The following ACTR3C variants were observed in gnomAD, a reference collection of about 807,000 sequenced individuals.
ACTR3C encodes actin related protein 3C, also known as actin-related protein 3C.
ACTR3C carries 18 observed loss-of-function variants against 26.3 expected under a neutral mutation model. That is an observed-to-expected ratio of 0.68 (90% CI 0.47 to 1.01). The LOEUF (loss-of-function observed/expected upper bound fraction) is 1.01. Ranked by LOEUF, ACTR3C falls within the 50% of genes least tolerant of loss-of-function variation. ACTR3C has a pLI of 0.00. For missense variants in ACTR3C, 184 were observed against 250.7 expected, an observed-to-expected ratio of 0.73 and a Z score of 1.80; for synonymous variants, 55 against 94.5, an observed-to-expected ratio of 0.58 and a Z score of 2.42.
chr7:150,176,792 G>A, the ACTR3C span, among the ~76,000 whole-genome samples: 30 of 150,374 alleles, frequency 2.0e-4, 5 homozygotes, highest in African/African-American at 7.3e-4. Context: ...GGAAACTCGG[G>A]GATCTTATTG....
At chr7:150,065,555 T>C in the ACTR3C span, among the ~76,000 whole-genome samples, 167 of 152,304 alleles carry the variant, frequency 1.1e-3, 6 homozygotes, top group South Asian at 0.033. Flanking sequence ...GTTAAAGGCT[T>C]TACCCTCAGA....
the ACTR3C span, among the ~76,000 whole-genome samples, chr7:150,213,852 G>A: frequency 2.1e-5 from 3 of 144,324 alleles, no homozygotes; most frequent in African/African-American, 5.2e-5. Flanking sequence ...TGAAAGAAGA[G>A]TAGAGAAAGA....
the ACTR3C span, among the ~76,000 whole-genome samples, chr7:150,087,664 G>A: frequency 6.6e-6 from 1 of 152,168 alleles, no homozygotes; most frequent in South Asian, 2.1e-4. Context: ...CAGGGTTGAT[G>A]ACCAGATGTC....
chr7:150,097,615 T>C, the ACTR3C span, among the ~76,000 whole-genome samples: 1 of 151,596 alleles, frequency 6.6e-6, no homozygotes, highest in Non-Finnish European at 1.5e-5. Context: ...TGAAAACCTG[T>C]TTAAGAAATC....
chr7:150,111,853 C>T, the ACTR3C span, among the ~76,000 whole-genome samples: 7 of 150,154 alleles, frequency 4.7e-5, no homozygotes, highest in Non-Finnish European at 1.5e-5. Context: ...GGAGAAATCC[C>T]CGTGTAATGA....
the ACTR3C span, among the ~76,000 whole-genome samples, chr7:149,976,528 C>T: frequency 2.0e-5 from 3 of 148,220 alleles, no homozygotes; most frequent in African/African-American, 2.5e-5. Context: ...GAGCTGAGAT[C>T]GCACCACTGC....
the ACTR3C span, among the ~76,000 whole-genome samples, chr7:150,172,040 G>C: frequency 6.6e-6 from 1 of 150,650 alleles, no homozygotes; most frequent in Non-Finnish European, 1.5e-5. Flanking sequence ...TCGATCTCCT[G>C]ACCTCGTGAT....
intron 6 of ACTR3C, among the ~76,000 whole-genome samples, chr7:150,252,527 G>A (rs973741022): frequency 4.6e-5 from 7 of 152,104 alleles, no homozygotes; most frequent in Non-Finnish European, 1.0e-4. Context: ...AAGAATACAT[G>A]ATACTAAGCA....
chr7:149,995,556 A>G, the ACTR3C span, among the ~76,000 whole-genome samples: 1 of 152,268 alleles, frequency 6.6e-6, no homozygotes, highest in African/African-American at 2.4e-5. Context: ...TGCACAGACA[A>G]TTTTAATACT....
At chr7:150,254,018 C>T (rs1833034283) in intron 6 of ACTR3C, among the ~76,000 whole-genome samples, 1 of 152,104 alleles carries the variant, frequency 6.6e-6, no homozygotes, top group Non-Finnish European at 1.5e-5. Context: ...TTCAACACAC[C>T]TTTGACTATT....
At chr7:150,199,644 AAAAAT>A in the ACTR3C span, among the ~76,000 whole-genome samples, 2 of 137,018 alleles carry the variant, frequency 1.5e-5, no homozygotes, top group Middle Eastern at 3.4e-3. Flanking sequence ...AAAAATAAAA[AAAAAT>A]AAATAAAAAA....
rs148983675 is a variant in ACTR3C, at chr7:150,257,452, T to G, written c.565-8398A>C. ...ACAAGGACATATGTCTGGACAGACATGTCTCCTTTCCTGCCAGGCCAATAC... is the reference window on the plus strand; with the variant it reads ...ACAAGGACATATGTCTGGACAGACAGGTCTCCTTTCCTGCCAGGCCAATAC... On this transcript the variant is annotated intron_variant, in intron 6 of 7. Coordinates refer to ENST00000683684, the MANE Select transcript of ACTR3C (RefSeq NM_001164458.2). 5.4e-3 allele frequency among the ~76,000 whole-genome samples: 824 copies of G among 152,340 alleles called. 6 individuals carry two copies. Among genetic ancestry groups the G allele is most frequent in the African/African-American group, 0.019 (775 of 41,566 alleles).
chr7:150,134,232 T>TAA, the ACTR3C span, among the ~76,000 whole-genome samples: 738 of 124,892 alleles, frequency 5.9e-3, 2 homozygotes, highest in African/African-American at 0.014. Flanking sequence ...CTATATGCAG[T>TAA]AAAAAAAAAA....
the ACTR3C span, among the ~76,000 whole-genome samples, chr7:150,035,708 G>A: frequency 2.2e-5 from 3 of 138,862 alleles, no homozygotes; most frequent in African/African-American, 7.9e-5. Flanking sequence ...GGGGTCCTAA[G>A]CCAGGGGGTG....
At chr7:150,231,073 T>C in the ACTR3C span, among the ~76,000 whole-genome samples, 6 of 152,186 alleles carry the variant, frequency 3.9e-5, no homozygotes, top group African/African-American at 1.4e-4. Context: ...TATTCAGTAA[T>C]ACTATTAATT....
At chr7:149,957,527 CA>C in the ACTR3C span, among the ~76,000 whole-genome samples, 1 of 152,116 alleles carries the variant, frequency 6.6e-6, no homozygotes, top group African/African-American at 2.4e-5. Context: ...TGCTCTTGGA[CA>C]TCAGAACTCC....
chr7:150,149,866 T>C, the ACTR3C span, among the ~76,000 whole-genome samples: 6 of 152,238 alleles, frequency 3.9e-5, no homozygotes, highest in South Asian at 1.0e-3. Flanking sequence ...AGGTTTGTTT[T>C]CTACATTTAC....
chr7:150,117,544 C>G, the ACTR3C span, among the ~76,000 whole-genome samples: 1 of 152,242 alleles, frequency 6.6e-6, no homozygotes, highest in African/African-American at 2.4e-5. Flanking sequence ...TTCCTTCTCT[C>G]TGGGCAGGGC....
the ACTR3C span, among the ~76,000 whole-genome samples, chr7:149,958,843 C>T: frequency 6.6e-6 from 1 of 152,178 alleles, no homozygotes; most frequent in Non-Finnish European, 1.5e-5. Flanking sequence ...AAGTTGGCAT[C>T]TTAGGAACAC....
Sources: allele counts gnomAD v4.1 joint callset (sites outside exome capture counted in the v4.1 genomes callset), GRCh38; gene constraint gnomAD v4.1.1; transcripts MANE v1.5; gene names NCBI Gene and HGNC (gene_info 2026-07-23, HGNC 2026-07-21).